Variants in RAD51B observed in about 807,000 individuals in gnomAD.
RAD51B encodes the protein DNA repair protein RAD51 homolog 2.
RAD51B carries 38 observed loss-of-function variants against 42.2 expected under a neutral mutation model. The observed-to-expected ratio is 0.90, with a 90% CI of 0.70 to 1.18. The LOEUF is 1.18. Ranked by LOEUF, RAD51B falls within the 50% of genes most tolerant of loss-of-function variation. RAD51B has a pLI of 0.00. For missense variants in RAD51B, 373 were observed against 400.7 expected, an observed-to-expected ratio of 0.93 and a Z score of 0.59; for synonymous variants, 154 against 145.2, an observed-to-expected ratio of 1.06 and a Z score of -0.43.
At chr14:68,661,624 A>G (rs1431617494) in intron 11 of RAD51B, among the ~76,000 whole-genome samples, 1 of 152,212 alleles carries the variant, frequency 6.6e-6, no homozygotes, top group East Asian at 1.9e-4. Flanking sequence ...ATGGGTTGGT[A>G]TGCCCAAGGA....
At chr14:68,587,034 A>C (rs1048736417) in intron 10 of RAD51B, among the ~76,000 whole-genome samples, 4 of 152,054 alleles carry the variant, frequency 2.6e-5, no homozygotes, top group African/African-American at 7.3e-5. Context: ...CAAAAAAAAA[A>C]AAAATTGGCT....
chr14:67,857,407 C>T (rs1375775163), intron 4 of RAD51B, among the ~76,000 whole-genome samples: 1 of 152,182 alleles, frequency 6.6e-6, no homozygotes, highest in Non-Finnish European at 1.5e-5. Flanking sequence ...TGAATCAGTA[C>T]ATAAAAATAA....
rs552015794 is a variant in RAD51B at position 68,580,906 on chromosome 14, C to T, written c.1037-13579C>T. 2.1e-4 allele frequency among the ~76,000 whole-genome samples: 32 copies of T among 152,258 alleles called. No individual in the cohort carries two copies. The South Asian group carries it at 5.4e-3, about 26-fold the overall frequency. ...CGGGGACGTGGCAGCTGTGCTTTGGCGGTCATCTCTGGAGAAGGGCGGCTG... is the reference window on the plus strand; with the variant it reads ...CGGGGACGTGGCAGCTGTGCTTTGGTGGTCATCTCTGGAGAAGGGCGGCTG... On this transcript the variant is annotated intron_variant, in intron 10 of 10. Coordinates refer to the RAD51B transcript ENST00000487270.
chr14:68,519,851 C>T (rs1886445598), intron 10 of RAD51B, among the ~76,000 whole-genome samples: 1 of 152,084 alleles, frequency 6.6e-6, no homozygotes, highest in African/African-American at 2.4e-5. Context: ...AAGCAAAGAC[C>T]TTGTTGACTT....
chr14:68,570,724 T>G (rs12100794), intron 10 of RAD51B, among the ~76,000 whole-genome samples: 8,256 of 152,338 alleles, frequency 0.054, 299 homozygotes, highest in African/African-American at 0.11. Flanking sequence ...GGGTAAATAC[T>G]GTCCAGGCCC....
At chr14:68,558,063 G>A (rs1231049070) in intron 10 of RAD51B, among the ~76,000 whole-genome samples, 1 of 152,204 alleles carries the variant, frequency 6.6e-6, no homozygotes, top group Non-Finnish European at 1.5e-5. Context: ...CCCCATGAGA[G>A]CTCAAAGGCT....
chr14:68,095,378 C>T (rs534404260), intron 7 of RAD51B, among the ~76,000 whole-genome samples: 134 of 151,988 alleles, frequency 8.8e-4, no homozygotes, highest in African/African-American at 2.9e-3. Context: ...TGATGCACTC[C>T]GATTAATAGA....
intron 7 of RAD51B, among the ~76,000 whole-genome samples, chr14:68,106,502 G>A (rs373918): frequency 0.29 from 44,249 of 151,748 alleles, 9,157 homozygotes; most frequent in African/African-American, 0.59. Context: ...ATTCAACAAT[G>A]TCAAGTAAGT....
rs1181525135 is a variant in RAD51B at position 68,195,846 on chromosome 14, T to C, written c.757-96038T>C. On this transcript the variant is annotated intron_variant, in intron 7 of 10. Coordinates refer to ENST00000471583, the MANE Select transcript of RAD51B (RefSeq NM_133510.4). ...TCCCTTGAACCCAGGAGGCAGAGGT[T>C]GTGGTGAGCCGAGATCACACCATTG... Among the ~76,000 whole-genome samples, 29 of 129,152 alleles carry C rather than the reference T, an allele frequency of 2.2e-4. No homozygotes were observed. The East Asian group carries it at 6.5e-3, about 29-fold the overall frequency. 84.7% of individuals were successfully genotyped at this position (129,152 alleles called of 152,430 possible).
At chr14:68,514,892 G>T (rs557764713) in intron 10 of RAD51B, among the ~76,000 whole-genome samples, 1 of 152,288 alleles carries the variant, frequency 6.6e-6, no homozygotes, top group South Asian at 2.1e-4. Context: ...AAAGAAAAAA[G>T]AGTGAAAGGC....
chr14:68,371,056 G>A (rs3074457), intron 8 of RAD51B, among the ~76,000 whole-genome samples: 60,756 of 88,718 alleles, frequency 0.68, 19,555 homozygotes, highest in African/African-American at 0.75. Context: ...AAAAAAAAAA[G>A]AAAAAAAGAA....
At chr14:68,616,547 T>G (rs1891830351), downstream of RAD51B, among the ~76,000 whole-genome samples, 1 of 152,210 alleles carries the variant, frequency 6.6e-6, no homozygotes, top group South Asian at 2.1e-4. Flanking sequence ...TTTATTATGA[T>G]GTACTTTGGT....
At chr14:68,357,119 A>G (rs12888061) in intron 8 of RAD51B, among the ~76,000 whole-genome samples, 41,056 of 152,002 alleles carry the variant, frequency 0.27, 5,823 homozygotes, top group East Asian at 0.36. Flanking sequence ...ATTGGAGTCA[A>G]TCCTTTCAAA....
intron 7 of RAD51B, among the ~76,000 whole-genome samples, chr14:67,916,201 A>C (rs571323782): frequency 6.6e-6 from 1 of 152,362 alleles, no homozygotes; most frequent in African/African-American, 2.4e-5. Flanking sequence ...GTGTTGAGTT[A>C]AATGCCATCA....
intron 7 of RAD51B, among the ~76,000 whole-genome samples, chr14:68,084,304 A>G (rs1297164532): frequency 6.6e-6 from 1 of 152,218 alleles, no homozygotes; most frequent in African/African-American, 2.4e-5. Context: ...TAATCCTGTG[A>G]CATTTTGAAA....
At chr14:68,226,458 G>C (rs1293073831) in intron 7 of RAD51B, among the ~76,000 whole-genome samples, 1 of 152,142 alleles carries the variant, frequency 6.6e-6, no homozygotes, top group Non-Finnish European at 1.5e-5. Context: ...GTTGTGAGAG[G>C]GACCCGGTGG....
chr14:68,069,557 A>G (rs908920819), intron 7 of RAD51B: 3 of 152,058 alleles, frequency 2.0e-5, no homozygotes, highest in Non-Finnish European at 4.4e-5. Context: ...GTTTTTCTGC[A>G]TTATATCTTA....
chr14:67,906,667 TA>T lies in RAD51B; in HGVS notation c.756+19464del, dbSNP rs142885677. 2.2e-4 allele frequency among the ~76,000 whole-genome samples: 33 copies of T among 152,238 alleles called. No individual in the cohort carries two copies. In the East Asian group the frequency reaches 6.0e-3, roughly 28 times the overall value. On this transcript the variant is annotated intron_variant, in intron 7 of 10. Transcript: ENST00000471583. ...AATTATCCATTTCTTCTAGGTTTTT[TA>T]GTTTGTGCACATAGTGATATTTGTA...
intron 8 of RAD51B, among the ~76,000 whole-genome samples, chr14:68,326,460 G>A (rs1319613730): frequency 1.3e-5 from 2 of 152,306 alleles, no homozygotes; most frequent in South Asian, 2.1e-4. Flanking sequence ...TAAAAAGAAA[G>A]GGTGACAGGT....
Sources: gnomAD v4.1 joint callset for allele counts (sites outside exome capture counted in the v4.1 genomes callset) on GRCh38, gnomAD v4.1.1 for gene constraint, MANE v1.5 for transcripts, NCBI Gene and HGNC (gene_info 2026-07-23, HGNC 2026-07-21) for gene names.